The following GALNTL6 variants were observed in gnomAD, a reference collection of about 807,000 sequenced individuals.
GALNTL6 encodes the protein polypeptide N-acetylgalactosaminyltransferase-like 6.
Under a neutral mutation model 73.7 loss-of-function variants are expected in GALNTL6, and 46 were observed. The observed-to-expected ratio is 0.62, with a 90% CI of 0.49 to 0.80. The LOEUF (loss-of-function observed/expected upper bound fraction) is 0.80, where lower values mean the gene tolerates loss of function less well. Ranked by LOEUF, GALNTL6 falls within the 30% of genes least tolerant of loss-of-function variation. The pLI is 0.00. For synonymous variants in GALNTL6, 259 were observed against 263.7 expected, an observed-to-expected ratio of 0.98 and a Z score of 0.17; for missense variants, 604 against 755.0, an observed-to-expected ratio of 0.80 and a Z score of 2.34.
intron 5 of GALNTL6, chr4:172,668,073 G>A (rs779410372): frequency 6.6e-6 from 1 of 152,120 alleles, no homozygotes; most frequent in Non-Finnish European, 1.5e-5. Context: ...AATGGAATTT[G>A]GAGAGTTTGA....
At chr4:172,264,887 T>C (rs1343840071) in intron 3 of GALNTL6, among the ~76,000 whole-genome samples, 1 of 151,374 alleles carries the variant, frequency 6.6e-6, no homozygotes, top group African/African-American at 2.4e-5. Context: ...CTGCATAGTT[T>C]TCTTGGCTTT....
At chr4:172,427,883 T>C (rs1474833207) in intron 5 of GALNTL6, among the ~76,000 whole-genome samples, 2 of 152,212 alleles carry the variant, frequency 1.3e-5, no homozygotes, top group African/African-American at 4.8e-5. Flanking sequence ...TGCTGGTTTA[T>C]TGCACATATA....
At chr4:172,160,615 G>A (rs1383918103) in intron 2 of GALNTL6, among the ~76,000 whole-genome samples, 1 of 152,000 alleles carries the variant, frequency 6.6e-6, no homozygotes, top group African/African-American at 2.4e-5. Context: ...AAAACTAAGA[G>A]AATGGAAAAG....
intron 2 of GALNTL6, among the ~76,000 whole-genome samples, chr4:172,004,790 G>A (rs907802196): frequency 6.6e-6 from 1 of 151,048 alleles, no homozygotes; most frequent in Admixed American, 6.6e-5. Context: ...TGTTAAAGCA[G>A]ACTTTGTCTC....
chr4:172,537,426 C>T (rs1735384342), intron 5 of GALNTL6, among the ~76,000 whole-genome samples: 2 of 152,116 alleles, frequency 1.3e-5, no homozygotes, highest in South Asian at 4.1e-4. Context: ...AGGGGCTCCC[C>T]CAAGCTTTGG....
intron 2 of GALNTL6, among the ~76,000 whole-genome samples, chr4:172,131,823 A>G (rs112834879): frequency 3.1e-4 from 47 of 151,986 alleles, no homozygotes; most frequent in African/African-American, 1.1e-3. Context: ...TGCACACACT[A>G]GATGCATAGA....
chr4:172,228,969 C>T (rs965001901), intron 2 of GALNTL6, among the ~76,000 whole-genome samples: 4 of 152,158 alleles, frequency 2.6e-5, no homozygotes, highest in Admixed American at 2.0e-4. Context: ...TGTAAACATG[C>T]ACTATGTTTC....
intron 2 of GALNTL6, among the ~76,000 whole-genome samples, chr4:172,206,748 G>C (rs1419338043): frequency 1.3e-5 from 2 of 148,868 alleles, no homozygotes; most frequent in Non-Finnish European, 3.0e-5. Context: ...TTTTAGAACA[G>C]AATGCATATC....
At chr4:171,977,388 T>A (rs1190858174) in intron 2 of GALNTL6, among the ~76,000 whole-genome samples, 2 of 152,188 alleles carry the variant, frequency 1.3e-5, no homozygotes, top group Non-Finnish European at 2.9e-5. Flanking sequence ...GTGGCTTAAA[T>A]AACAGAATTT....
chr4:172,055,832 T>G (rs1731005092), intron 2 of GALNTL6, among the ~76,000 whole-genome samples: 1 of 152,164 alleles, frequency 6.6e-6, no homozygotes, highest in Non-Finnish European at 1.5e-5. Flanking sequence ...GTTTTAGATT[T>G]CACAGAAGGG....
chr4:172,675,724 T>C (rs1732260956), intron 5 of GALNTL6, among the ~76,000 whole-genome samples: 1 of 152,240 alleles, frequency 6.6e-6, no homozygotes, highest in African/African-American at 2.4e-5. Context: ...ACTATATTTT[T>C]ATTCAACAAA....
intron 3 of GALNTL6, among the ~76,000 whole-genome samples, chr4:172,240,312 C>G (rs1251126835): frequency 6.6e-6 from 1 of 152,090 alleles, no homozygotes. Flanking sequence ...CAAGCTCCGC[C>G]TCCTGGGTTC....
chr4:172,180,553 G>A (rs966338021), intron 2 of GALNTL6, among the ~76,000 whole-genome samples: 14 of 152,074 alleles, frequency 9.2e-5, no homozygotes, highest in African/African-American at 3.4e-4. Context: ...TATTGCCTAG[G>A]TTTTCTTCTA....
intron 2 of GALNTL6, among the ~76,000 whole-genome samples, chr4:171,898,754 T>C (rs10008764): frequency 0.53 from 80,276 of 151,662 alleles, 21,750 homozygotes; most frequent in Middle Eastern, 0.67. Flanking sequence ...AATTTTATTT[T>C]TGTGGGGTTC....
At chr4:171,944,723 C>G (rs1425977108) in intron 2 of GALNTL6, among the ~76,000 whole-genome samples, 1 of 151,808 alleles carries the variant, frequency 6.6e-6, no homozygotes, top group East Asian at 1.9e-4. Context: ...AGGTTTCTAA[C>G]TATCCTGTAT....
chr4:173,037,861 G>A (rs1320352716), intron 12 of GALNTL6, among the ~76,000 whole-genome samples: 10 of 151,830 alleles, frequency 6.6e-5, no homozygotes, highest in Admixed American at 5.9e-4. Flanking sequence ...TCCTGCCTCC[G>A]CCTCCCACGT....
At chr4:172,315,210 T>G (rs1242110808) in intron 4 of GALNTL6, among the ~76,000 whole-genome samples, 1 of 152,172 alleles carries the variant, frequency 6.6e-6, no homozygotes, top group East Asian at 1.9e-4. Context: ...CTTTGGTATG[T>G]CAAATTTTTA....
intron 8 of GALNTL6, among the ~76,000 whole-genome samples, chr4:172,904,756 A>T (rs1223521627): frequency 6.6e-6 from 1 of 151,966 alleles, no homozygotes; most frequent in East Asian, 1.9e-4. Flanking sequence ...AGAAAAAAAA[A>T]GTTAGTCCTA....
chr4:173,012,813 G>A (rs1349634610), intron 11 of GALNTL6, among the ~76,000 whole-genome samples: 1 of 152,182 alleles, frequency 6.6e-6, no homozygotes, highest in Non-Finnish European at 1.5e-5. Flanking sequence ...TCCCAGCATA[G>A]TCAGCAAATA....
Sources: gnomAD v4.1 joint callset for allele counts (sites outside exome capture counted in the v4.1 genomes callset) on GRCh38, gnomAD v4.1.1 for gene constraint, MANE v1.5 for transcripts, NCBI Gene and HGNC (gene_info 2026-07-23, HGNC 2026-07-21) for gene names.